CNTNAP2: variants seen among roughly 807,000 people sequenced by gnomAD.
CNTNAP2 encodes the protein contactin-associated protein-like 2.
A neutral mutation model predicts 155.2 loss-of-function variants in CNTNAP2; 98 were observed. That is an observed-to-expected ratio of 0.63 (90% CI 0.54 to 0.75). The LOEUF (loss-of-function observed/expected upper bound fraction) is 0.75, where lower values mean the gene tolerates loss of function less well. Ranked by LOEUF, CNTNAP2 falls within the 30% of genes least tolerant of loss-of-function variation. The pLI, the probability that CNTNAP2 is intolerant of heterozygous loss-of-function variation, is 0.00. For missense variants in CNTNAP2, 1,727 were observed against 1,688.1 expected (o/e 1.02, Z -0.40); for synonymous variants, 651 against 631.2 (o/e 1.03, Z -0.47).
chr7:148,039,123 G>GT (rs1239480817), intron 15 of CNTNAP2, among the ~76,000 whole-genome samples: 1 of 152,168 alleles, frequency 6.6e-6, no homozygotes, highest in Non-Finnish European at 1.5e-5. Flanking sequence ...AGGGAAGCTG[G>GT]TAGCATGGCT....
chr7:146,906,014 C>G (rs557524502), intron 3 of CNTNAP2, among the ~76,000 whole-genome samples: 14 of 152,200 alleles, frequency 9.2e-5, no homozygotes. Flanking sequence ...TCAGGGAGTT[C>G]CCTTTCCGAG....
At chr7:146,950,434 C>A (rs1316934102) in intron 3 of CNTNAP2, among the ~76,000 whole-genome samples, 5 of 152,064 alleles carry the variant, frequency 3.3e-5, no homozygotes, top group African/African-American at 7.2e-5. Flanking sequence ...TCCTAATGCT[C>A]TCCCTCCCCT....
At chr7:147,564,894 C>G (rs1800139159) in intron 12 of CNTNAP2, among the ~76,000 whole-genome samples, 1 of 152,152 alleles carries the variant, frequency 6.6e-6, no homozygotes, top group Non-Finnish European at 1.5e-5. Context: ...TTCAAGGACC[C>G]TTGAAGAATC....
chr7:146,802,199 G>A (rs1335216181), intron 2 of CNTNAP2, among the ~76,000 whole-genome samples: 3 of 152,176 alleles, frequency 2.0e-5, no homozygotes, highest in Non-Finnish European at 4.4e-5. Context: ...AAGTGGATGT[G>A]TTGGCCGGAC....
chr7:147,760,732 A>G (rs1413132759), intron 13 of CNTNAP2, among the ~76,000 whole-genome samples: 2 of 152,146 alleles, frequency 1.3e-5, no homozygotes, highest in Non-Finnish European at 2.9e-5. Context: ...TTGTTCATCA[A>G]TCCATTAATT....
At chr7:147,515,543 G>A (rs1014656148) in intron 11 of CNTNAP2, among the ~76,000 whole-genome samples, 6 of 151,768 alleles carry the variant, frequency 4.0e-5, no homozygotes, top group African/African-American at 7.3e-5. Flanking sequence ...GGATGGTCTC[G>A]ATCTCTTGAC....
chr7:146,712,135 A>AG lies in CNTNAP2; in HGVS notation c.98-62136_98-62135insG, dbSNP rs1425443983. Among the ~76,000 whole-genome samples the AG allele has an allele frequency of 7.0e-4, 82 of 116,652 alleles. 13 individuals carry two copies. Among genetic ancestry groups the AG allele is most frequent in the African/African-American group, 3.2e-3 (80 of 25,046 alleles). The allele number at this position is 116,652 out of a possible 152,430, so 76.5% of individuals were successfully genotyped here. On this transcript the variant is annotated intron_variant, in intron 1 of 23. Transcript: ENST00000361727. Reference sequence around the variant, plus strand: ...GTATACATATATGTATACATATCTTATGTATACTATATAGTATACATATCT... The same window carrying AG: ...GTATACATATATGTATACATATCTTAGTGTATACTATATAGTATACATATCT...
intron 1 of CNTNAP2, among the ~76,000 whole-genome samples, chr7:146,519,105 C>G (rs1290057664): frequency 6.6e-6 from 1 of 151,878 alleles, no homozygotes; most frequent in Non-Finnish European, 1.5e-5. Context: ...AGGAAAATGA[C>G]TATGTCATGT....
chr7:147,238,013 G>C (rs1460039044), intron 8 of CNTNAP2, among the ~76,000 whole-genome samples: 1 of 152,110 alleles, frequency 6.6e-6, no homozygotes, highest in Non-Finnish European at 1.5e-5. Context: ...TTCAAATTTT[G>C]TTTTGTGTTT....
At chr7:147,356,053 T>G (rs1349725447) in intron 9 of CNTNAP2, among the ~76,000 whole-genome samples, 1 of 152,000 alleles carries the variant, frequency 6.6e-6, no homozygotes, top group Non-Finnish European at 1.5e-5. Context: ...ACTAGCAAAC[T>G]GAATCCAGCA....
intron 3 of CNTNAP2, among the ~76,000 whole-genome samples, chr7:146,959,713 C>CAAAAAAAAAAAAAAA (rs1176908836): frequency 1.1e-5 from 1 of 90,402 alleles, no homozygotes; most frequent in African/African-American, 4.0e-5. Context: ...CAGCGAGTCT[C>CAAAAAAAAAAAAAAA]AAAAAAAAAA....
intron 10 of CNTNAP2, among the ~76,000 whole-genome samples, chr7:147,469,433 G>A (rs73457487): frequency 7.6e-4 from 115 of 151,434 alleles, no homozygotes; most frequent in African/African-American, 2.7e-3. Context: ...AAAGATGCAT[G>A]CCTTCACTGC....
At chr7:147,255,442 G>A (rs1022524867) in intron 8 of CNTNAP2, among the ~76,000 whole-genome samples, 1 of 152,002 alleles carries the variant, frequency 6.6e-6, no homozygotes, top group African/African-American at 2.4e-5. Context: ...GGCTGGTCTC[G>A]AACTCCTGAC....
intron 3 of CNTNAP2, among the ~76,000 whole-genome samples, chr7:147,015,865 T>C (rs1445708723): frequency 1.3e-5 from 2 of 152,078 alleles, no homozygotes; most frequent in Non-Finnish European, 2.9e-5. Context: ...GGAAGTAGTG[T>C]CTACAGTAAG....
chr7:147,999,440 T>C (rs1015783211), intron 15 of CNTNAP2, among the ~76,000 whole-genome samples: 10 of 152,340 alleles, frequency 6.6e-5, no homozygotes, highest in Non-Finnish European at 1.0e-4. Flanking sequence ...TTCTTAATTG[T>C]GTAAGAATGC....
chr7:147,085,251 T>C (rs1258234770), intron 4 of CNTNAP2, among the ~76,000 whole-genome samples: 2 of 152,116 alleles, frequency 1.3e-5, no homozygotes, highest in Admixed American at 6.5e-5. Flanking sequence ...AACTGTACTG[T>C]AGGTCAGGGG....
chr7:146,926,212 G>A (rs968472214), intron 3 of CNTNAP2, among the ~76,000 whole-genome samples: 10 of 151,812 alleles, frequency 6.6e-5, no homozygotes, highest in Non-Finnish European at 1.0e-4. Context: ...TGATTAGTAC[G>A]TTTCAAATTG....
intron 2 of CNTNAP2, among the ~76,000 whole-genome samples, chr7:146,836,748 A>T (rs1032250291): frequency 1.3e-5 from 2 of 152,184 alleles, no homozygotes; most frequent in African/African-American, 4.8e-5. Flanking sequence ...TGAGTTTCAA[A>T]ATGGTAAACT....
At chr7:146,852,691 A>G (rs978131348) in intron 3 of CNTNAP2, among the ~76,000 whole-genome samples, 9 of 152,182 alleles carry the variant, frequency 5.9e-5, no homozygotes, top group African/African-American at 1.7e-4. Flanking sequence ...GCTCGCCCAG[A>G]GCCAAAACAG....
Sources: gnomAD v4.1 joint callset for allele counts (sites outside exome capture counted in the v4.1 genomes callset) on GRCh38, gnomAD v4.1.1 for gene constraint, MANE v1.5 for transcripts, NCBI Gene and HGNC (gene_info 2026-07-23, HGNC 2026-07-21) for gene names.